Variants in MAP3K5 observed in about 807,000 individuals in gnomAD.
The protein encoded by MAP3K5 is ASK-1.
In MAP3K5, 56 loss-of-function variants were observed where a neutral mutation model predicts 158.7. The observed-to-expected ratio is 0.35, with a 90% CI of 0.28 to 0.44. The LOEUF (loss-of-function observed/expected upper bound fraction) is 0.44, where lower values mean the gene tolerates loss of function less well. MAP3K5 is among the 20% of genes least tolerant of loss of function. The probability of loss-of-function intolerance (pLI) is 1.00; values close to 1 mark genes in which losing one functional copy is unlikely to be tolerated. For synonymous variants in MAP3K5, 579 were observed against 601.7 expected, an observed-to-expected ratio of 0.96 and a Z score of 0.55; for missense variants, 1,294 against 1,674.8, an observed-to-expected ratio of 0.77 and a Z score of 3.97.
At chr6:136,611,515 T>TCTTCATTA in intron 17 of MAP3K5, 128 bp from the exon 18 acceptor site, 1 of 549,854 alleles carries the variant, frequency 1.8e-6, no homozygotes. Context: ...AATTCTGTAT[T>TCTTCATTA]CTTCATTAAT....
At chr6:136,559,560 G>A (rs1337879991) in intron 28 of MAP3K5, among the ~76,000 whole-genome samples, 3 of 152,170 alleles carry the variant, frequency 2.0e-5, no homozygotes, top group African/African-American at 7.2e-5. Context: ...TCCTCAAGTG[G>A]ATAAAAAGTG....
At chr6:136,635,904 T>A (rs1777611937) in intron 14 of MAP3K5, among the ~76,000 whole-genome samples, 1 of 152,024 alleles carries the variant, frequency 6.6e-6, no homozygotes, top group African/African-American at 2.4e-5. Context: ...ACAAACAATT[T>A]ATTATATTAA....
At chr6:136,735,551 C>T (rs900297204) in intron 1 of MAP3K5, among the ~76,000 whole-genome samples, 6 of 152,158 alleles carry the variant, frequency 3.9e-5, no homozygotes, top group East Asian at 1.9e-4. Context: ...CATGATAGGC[C>T]GGGTGAGGTG....
intron 26 of MAP3K5, among the ~76,000 whole-genome samples, chr6:136,566,411 C>A (rs1774112430): frequency 6.7e-6 from 1 of 149,802 alleles, no homozygotes; most frequent in Admixed American, 6.7e-5. Context: ...CAGCAGGAGT[C>A]CAAAAAACAC....
At chr6:136,684,631 A>C (rs1780069731) in intron 7 of MAP3K5, among the ~76,000 whole-genome samples, 1 of 151,932 alleles carries the variant, frequency 6.6e-6, no homozygotes, top group Admixed American at 6.6e-5. Flanking sequence ...TTTAGTCACA[A>C]ATTCTCACCC....
rs773726729 is a variant in MAP3K5, at chr6:136,651,005, C to A, written c.1767G>T (p.Trp589Cys). Residue 589 changes from tryptophan (W) to cysteine (C), a missense_variant, in exon 11 of 30, where the codon TGG becomes TGT. This residue lies in a region of MAP3K5 where 690 missense variants were observed against 870.5 expected (regional missense o/e 0.79). Coordinates refer to ENST00000359015, the MANE Select transcript of MAP3K5 (RefSeq NM_005923.4). The stretch of plus-strand genomic sequence containing the variant: ...TTACCTTGTCATCAGGAAGCACGTG[C>A]CAAATAGAGATTGTCTTTTCCTCAA... ...NEVEEKTISI[W>C]HVLPDDKKGI... is the part of the protein sequence containing the mutation. 6.2e-7 allele frequency: 1 copy of A among 1,610,930 alleles called. No individual in the cohort carries two copies.
chr6:136,791,237 A>C (rs1460466192), intron 1 of MAP3K5, among the ~76,000 whole-genome samples: 1 of 152,206 alleles, frequency 6.6e-6, no homozygotes, highest in East Asian at 1.9e-4. Flanking sequence ...ATGGCATGCA[A>C]ATTAATATAG....
At chr6:136,665,154 A>T (rs1779173212) in intron 8 of MAP3K5, among the ~76,000 whole-genome samples, 1 of 151,984 alleles carries the variant, frequency 6.6e-6, no homozygotes, top group South Asian at 2.1e-4. Flanking sequence ...TAAAATGTAA[A>T]TTTTTTTTAA....
At chr6:136,662,878 T>A (rs1219625992) in intron 8 of MAP3K5, among the ~76,000 whole-genome samples, 2 of 152,240 alleles carry the variant, frequency 1.3e-5, no homozygotes, top group Non-Finnish European at 2.9e-5. Flanking sequence ...TAACAACCAC[T>A]TCACCATTTA....
intron 3 of MAP3K5, among the ~76,000 whole-genome samples, chr6:136,702,693 TTTG>T (rs908917847): frequency 2.6e-5 from 4 of 152,078 alleles, no homozygotes; most frequent in Admixed American, 6.6e-5. Context: ...TCTAATTCAT[TTTG>T]TTGTTGTTGT....
At chr6:136,642,749 TTACTC>T (rs556001576) in intron 11 of MAP3K5, among the ~76,000 whole-genome samples, 180 bp from the exon 12 acceptor site, 31 of 152,308 alleles carry the variant, frequency 2.0e-4, no homozygotes, top group African/African-American at 6.7e-4. Flanking sequence ...AGGGTAATGA[TTACTC>T]TACTTAATAA....
At chr6:136,709,155 CGCGT>C (rs1781202094) in intron 2 of MAP3K5, among the ~76,000 whole-genome samples, 1 of 152,168 alleles carries the variant, frequency 6.6e-6, no homozygotes, top group Non-Finnish European at 1.5e-5. Flanking sequence ...ATGACTTCCT[CGCGT>C]GCAAAGACCA....
At chr6:136,743,800 AT>A (rs1302072468) in intron 1 of MAP3K5, among the ~76,000 whole-genome samples, 1 of 152,208 alleles carries the variant, frequency 6.6e-6, no homozygotes. Flanking sequence ...GTCTTTCAGG[AT>A]GTAAGTGGAT....
intron 1 of MAP3K5, among the ~76,000 whole-genome samples, chr6:136,786,230 T>C (rs759388669): frequency 4.0e-5 from 6 of 151,886 alleles, no homozygotes; most frequent in Non-Finnish European, 8.8e-5. Context: ...ACAAAAAAAT[T>C]AGCTGGAATG....
intron 25 of MAP3K5, among the ~76,000 whole-genome samples, chr6:136,575,792 G>A (rs903383528): frequency 3.9e-5 from 6 of 152,192 alleles, no homozygotes; most frequent in Non-Finnish European, 8.8e-5. Flanking sequence ...TGATGCTGAT[G>A]TGTCTTCTTA....
chr6:136,741,185 T>C (rs1367317996), intron 1 of MAP3K5, among the ~76,000 whole-genome samples: 1 of 152,116 alleles, frequency 6.6e-6, no homozygotes, highest in Non-Finnish European at 1.5e-5. Context: ...AAATATAATA[T>C]ATTTAGTCCT....
intron 7 of MAP3K5, among the ~76,000 whole-genome samples, chr6:136,674,807 T>C (rs1427129025): frequency 1.3e-5 from 2 of 151,970 alleles, no homozygotes; most frequent in African/African-American, 2.4e-5. Context: ...GCCAACATGA[T>C]GCTCAAAGGA....
intron 1 of MAP3K5, among the ~76,000 whole-genome samples, chr6:136,751,755 A>G (rs892892446): frequency 6.6e-6 from 1 of 152,242 alleles, no homozygotes; most frequent in Admixed American, 6.5e-5. Flanking sequence ...GGTTATACAG[A>G]AAGTAGATTT....
chr6:136,647,936 G>A (rs747742382), intron 11 of MAP3K5: 2 of 152,176 alleles, frequency 1.3e-5, no homozygotes, highest in East Asian at 1.9e-4. Flanking sequence ...TCAAAAGAAC[G>A]CTGGTAGATT....
Sources: gnomAD v4.1 joint callset for allele counts (sites outside exome capture counted in the v4.1 genomes callset) on GRCh38, gnomAD v4.1.1 for gene constraint, gnomAD v4.1.1 regional missense constraint, MANE v1.5 for transcripts, NCBI Gene and HGNC (gene_info 2026-07-23, HGNC 2026-07-21) for gene names.